The following DPY19L3 variants were observed in gnomAD, a reference collection of about 807,000 sequenced individuals.
The protein encoded by DPY19L3 is dpy-19 like C-mannosyltransferase 3, also known as protein C-mannosyl-transferase DPY19L3.
DPY19L3 carries 51 observed loss-of-function variants against 92.3 expected under a neutral mutation model. The observed-to-expected ratio is 0.55, with a 90% CI of 0.44 to 0.70. The LOEUF is 0.70. DPY19L3 is among the 30% of genes least tolerant of loss of function. The probability of loss-of-function intolerance (pLI) is 0.00; values close to 1 mark genes in which losing one functional copy is unlikely to be tolerated. For missense variants in DPY19L3, 706 were observed against 855.9 expected (o/e 0.82, Z 2.18); for synonymous variants, 309 against 315.2 (o/e 0.98, Z 0.21).
At chr19:32,409,613 G>C (rs1039430125) in intron 2 of DPY19L3, among the ~76,000 whole-genome samples, 4 of 152,204 alleles carry the variant, frequency 2.6e-5, no homozygotes, top group African/African-American at 9.6e-5. Context: ...TCTGCAGACT[G>C]TATGAGAAGC....
In DPY19L3 at chr19:32,468,332, G is replaced by A. The variant is rs142022582; in HGVS notation, c.1615-399G>A. On this transcript the variant is annotated intron_variant, in intron 15 of 18. Transcript: ENST00000392250. ...TTCTACAGGATACATTCTACTTTTAGGGGTAAATTGCATGGTATTAGTTAA... is the reference window on the plus strand; with the variant it reads ...TTCTACAGGATACATTCTACTTTTAAGGGTAAATTGCATGGTATTAGTTAA... The A allele has an allele frequency of 3.8e-5, 38 of 990,602 alleles. No individual in the cohort carries two copies. The African/African-American group carries it at 6.1e-4, about 16-fold the overall frequency. 61.4% of individuals were successfully genotyped at this position (990,602 alleles called of 1,614,324 possible). A position where few individuals can be genotyped will look rare whatever the true frequency, so the allele number is the denominator to read the frequency against.
chr19:32,454,506 G>A (rs982908206), intron 9 of DPY19L3, among the ~76,000 whole-genome samples: 6 of 152,130 alleles, frequency 3.9e-5, no homozygotes, highest in African/African-American at 9.7e-5. Context: ...CCCAGGAGGC[G>A]GAGCTTGCAG....
intron 15 of DPY19L3, chr19:32,467,862 GT>G: frequency 1.0e-6 from 1 of 983,850 alleles, no homozygotes; most frequent in Non-Finnish European, 1.2e-6. Flanking sequence ...AGATAAGTGG[GT>G]AATTCAGAGA....
At chr19:32,474,981 A>T (rs192685631) in intron 16 of DPY19L3, among the ~76,000 whole-genome samples, 2 of 152,210 alleles carry the variant, frequency 1.3e-5, no homozygotes, top group Non-Finnish European at 2.9e-5. Flanking sequence ...AAAGAACGTT[A>T]TAACTCCCTA....
chr19:32,475,928 G>A (rs1025056301), intron 16 of DPY19L3, among the ~76,000 whole-genome samples: 1 of 152,150 alleles, frequency 6.6e-6, no homozygotes, highest in Non-Finnish European at 1.5e-5. Flanking sequence ...ATGGGAGAGG[G>A]GATGCATATT....
rs767095295 is a variant in DPY19L3, at chr19:32,482,408, A to G, written c.*168A>G. 1.4e-6 allele frequency: 1 copy of G among 711,560 alleles called. No individual in the cohort carries two copies. Among genetic ancestry groups the G allele is most frequent in the Non-Finnish European group, 2.2e-6 (1 of 445,782 alleles). 44.1% of individuals were successfully genotyped at this position (711,560 alleles called of 1,614,324 possible). ...GTTGCCATCTTTGAAAGCATCTTCTACAAGCAGAAGTCTTTTTCGTTGTGT... is the reference window on the plus strand; with the variant it reads ...GTTGCCATCTTTGAAAGCATCTTCTGCAAGCAGAAGTCTTTTTCGTTGTGT... On this transcript the variant is annotated 3_prime_UTR_variant, in exon 19 of 19. Coordinates refer to ENST00000392250, the MANE Select transcript of DPY19L3 (RefSeq NM_001172774.2).
chr19:32,464,867 G>A (rs1970155584), intron 15 of DPY19L3, 83 bp downstream of exon 15: 2 of 955,800 alleles, frequency 2.1e-6, no homozygotes, highest in Admixed American at 5.1e-5. Flanking sequence ...TGTATTATTT[G>A]GCAAATAGAG....
At chr19:32,461,166 A>AGATACT (rs1289864652) in intron 12 of DPY19L3, among the ~76,000 whole-genome samples, 14 of 152,000 alleles carry the variant, frequency 9.2e-5, no homozygotes, top group African/African-American at 3.4e-4. Context: ...GCACCCTGCC[A>AGATACT]GATACTATGA....
chr19:32,431,376 C>CAAA (rs56168092), intron 3 of DPY19L3, among the ~76,000 whole-genome samples: 2 of 144,834 alleles, frequency 1.4e-5, no homozygotes, highest in African/African-American at 2.5e-5. Context: ...AACTCCGTCT[C>CAAA]AAAAAAAAAA....
rs543333218 is a variant in DPY19L3 at position 32,440,894 on chromosome 19, A to G, written c.855+984A>G. On this transcript the variant is annotated intron_variant, in intron 8 of 18. Coordinates refer to ENST00000392250, the MANE Select transcript of DPY19L3 (RefSeq NM_001172774.2). Reference sequence around the variant, plus strand: ...GTAAGAAGCTAGAACTGGACCACCTAGATCACAAGTGAGGGTAGAATTTGG... The same window carrying G: ...GTAAGAAGCTAGAACTGGACCACCTGGATCACAAGTGAGGGTAGAATTTGG... 7.9e-5 allele frequency among the ~76,000 whole-genome samples: 12 copies of G among 152,256 alleles called. No homozygotes were observed. In the South Asian group the frequency reaches 2.1e-3, roughly 26 times the overall value.
chr19:32,457,243 G>T (rs1006068047), intron 10 of DPY19L3, among the ~76,000 whole-genome samples: 2 of 152,196 alleles, frequency 1.3e-5, no homozygotes, highest in African/African-American at 4.8e-5. Context: ...TTCCTTGAAA[G>T]TCCTTGCTGT....
At chr19:32,410,769 C>G (rs1252676262) in intron 2 of DPY19L3, among the ~76,000 whole-genome samples, 1 of 152,168 alleles carries the variant, frequency 6.6e-6, no homozygotes, top group African/African-American at 2.4e-5. Context: ...GGCAACAGAA[C>G]AAGATCCTGT....
At chr19:32,435,879 T>C (rs1354372187) in intron 4 of DPY19L3, among the ~76,000 whole-genome samples, 1 of 152,242 alleles carries the variant, frequency 6.6e-6, no homozygotes, top group Non-Finnish European at 1.5e-5. Flanking sequence ...ACATGTCTGC[T>C]GTGAGGGAGC....
intron 2 of DPY19L3, 32 bp downstream of exon 2, chr19:32,408,388 G>A (rs969728100): frequency 3.9e-6 from 6 of 1,536,892 alleles, no homozygotes; most frequent in Admixed American, 3.5e-5. Flanking sequence ...AGCAATTTGG[G>A]TTGCTTTTAT....
intron 7 of DPY19L3, among the ~76,000 whole-genome samples, chr19:32,439,570 T>A (rs1357755187): frequency 6.6e-6 from 1 of 152,230 alleles, no homozygotes; most frequent in African/African-American, 2.4e-5. Flanking sequence ...TAGTGTGGAA[T>A]ACACACACCG....
At chr19:32,430,979 TA>T (rs1456505219) in intron 3 of DPY19L3, among the ~76,000 whole-genome samples, 2 of 152,042 alleles carry the variant, frequency 1.3e-5, no homozygotes, top group African/African-American at 2.4e-5. Flanking sequence ...TAGTTGGAGT[TA>T]GGGGGAAGCA....
Position 32,468,822 on chromosome 19 carries a change from A to AT in DPY19L3, c.1697+17dup, listed in dbSNP as rs774189154. 8.1e-6 allele frequency: 13 copies of AT among 1,608,640 alleles called. No homozygotes were observed. The highest frequency in any genetic ancestry group is 5.1e-5 in the Admixed American group (3 of 59,012). On this transcript the variant is annotated intron_variant, in intron 16 of 18. Coordinates refer to ENST00000392250, the MANE Select transcript of DPY19L3 (RefSeq NM_001172774.2). The stretch of plus-strand genomic sequence containing the variant: ...CTGATGAACTGGATTAAGTAAGAGG[A>AT]TTTTTTTTAACTTTTAAAATTTTAA...
chr19:32,467,185 G>A (rs1045286603), intron 15 of DPY19L3, among the ~76,000 whole-genome samples: 2 of 152,116 alleles, frequency 1.3e-5, no homozygotes, highest in Admixed American at 6.6e-5. Flanking sequence ...TGGTAAAAAC[G>A]GCAGTTAGTT....
intron 3 of DPY19L3, among the ~76,000 whole-genome samples, chr19:32,418,550 T>G (rs543905092): frequency 1.3e-5 from 2 of 152,326 alleles, no homozygotes; most frequent in South Asian, 4.1e-4. Flanking sequence ...AATAAACAAT[T>G]AGAAATTATA....
Sources: gnomAD v4.1 joint callset for allele counts (sites outside exome capture counted in the v4.1 genomes callset) on GRCh38, gnomAD v4.1.1 for gene constraint, MANE v1.5 for transcripts, NCBI Gene and HGNC (gene_info 2026-07-23, HGNC 2026-07-21) for gene names.